ZNF730: variants seen among roughly 807,000 people sequenced by gnomAD.
ZNF730 encodes putative zinc finger protein 730.
Under a neutral mutation model 12.6 loss-of-function variants are expected in ZNF730, and 12 were observed. The observed-to-expected ratio is 0.95, with a 90% CI of 0.61 to 1.54. ZNF730 has a LOEUF of 1.54. Ranked by LOEUF, ZNF730 falls within the 40% of genes most tolerant of loss-of-function variation. The pLI is 0.00. For synonymous variants in ZNF730, 194 were observed against 195.8 expected, an observed-to-expected ratio of 0.99 and a Z score of 0.08; for missense variants, 643 against 583.5, an observed-to-expected ratio of 1.10 and a Z score of -1.05.
intron 1 of ZNF730, chr19:23,126,463 T>C (rs1263836726): frequency 3.1e-6 from 1 of 323,252 alleles, no homozygotes; most frequent in Non-Finnish European, 6.2e-6. Flanking sequence ...TTTTGTCAGC[T>C]GTTTTTTATT....
intron 3 of ZNF730, 105 bp downstream of exon 3, chr19:23,136,148 G>C (rs1357672838): frequency 6.3e-6 from 5 of 791,296 alleles, no homozygotes; most frequent in Non-Finnish European, 8.6e-6. Flanking sequence ...TTTTACAAAG[G>C]AAATAGTTTC....
chr19:23,114,792 AT>A (rs545774167), upstream of ZNF730, among the ~76,000 whole-genome samples: 21 of 151,556 alleles, frequency 1.4e-4, no homozygotes, highest in Non-Finnish European at 3.1e-4. Context: ...TGTTTCTGCA[AT>A]TTTTTTGAGA....
rs1970995165 is a variant in ZNF730, at chr19:23,145,701, TA to T, written c.661del (p.Arg221GlufsTer140). The T allele has an allele frequency of 1.3e-6, 2 of 1,555,412 alleles. No homozygotes were observed. The highest frequency in any genetic ancestry group is 1.7e-6 in the Non-Finnish European group (2 of 1,151,168). ...ATGAGTCCTCAAACTGTACTACACA[TA>T]AAAGAATTACTGAGAAAAAACCTTA... ...FNESSNCTTHKRITEKKPYKC... is the reference protein window; with the variant it reads ...FNESSNCTTHXRITEKKPYKC... On this transcript the variant is annotated frameshift_variant, in exon 4 of 4. Transcript: ENST00000597761. LOFTEE classifies it low-confidence loss of function (END_TRUNC).
In ZNF730 at chr19:23,146,307, G is replaced by GA. The variant is rs758135996; in HGVS notation, c.1266dup (p.Pro423ThrfsTer5). 6.2e-7 allele frequency: 1 copy of GA among 1,612,718 alleles called. No individual in the cohort carries two copies. The highest frequency in any genetic ancestry group is 1.3e-5 in the African/African-American group (1 of 74,660). On this transcript the variant is annotated frameshift_variant, in exon 4 of 4. Transcript: ENST00000597761. LOFTEE classifies it low-confidence loss of function (END_TRUNC). ...CACATAAGAGAATTCATACTGGAGA[G>GA]AAACCCTACAAATGTGAAGAATGTG...
chr19:23,085,373 T>C (rs1257106246), intron 1 of ZNF730, among the ~76,000 whole-genome samples: 5 of 151,848 alleles, frequency 3.3e-5, no homozygotes, highest in Non-Finnish European at 7.4e-5. Context: ...TTTTCTTTTT[T>C]TTTAAGTAGA....
At chr19:23,086,321 CTTAT>C (rs909343746) in intron 1 of ZNF730, among the ~76,000 whole-genome samples, 1 of 152,018 alleles carries the variant, frequency 6.6e-6, no homozygotes, top group African/African-American at 2.4e-5. Context: ...TTAGATTTTA[CTTAT>C]TTATTTATTT....
chr19:23,118,296 CCT>C (rs1323574986), intron 1 of ZNF730, among the ~76,000 whole-genome samples: 1 of 151,812 alleles, frequency 6.6e-6, no homozygotes, highest in Non-Finnish European at 1.5e-5. Flanking sequence ...AATCTCTGTG[CCT>C]CTTTTTCTTT....
chr19:23,091,754 A>T (rs752627606), intron 1 of ZNF730, among the ~76,000 whole-genome samples: 11 of 152,176 alleles, frequency 7.2e-5, no homozygotes, highest in Non-Finnish European at 1.0e-4. Context: ...CCCCTATTGT[A>T]TCTAGGAAGT....
intron 3 of ZNF730, among the ~76,000 whole-genome samples, chr19:23,144,857 A>C (rs1019963252): frequency 6.6e-6 from 1 of 152,110 alleles, no homozygotes; most frequent in African/African-American, 2.4e-5. Flanking sequence ...TTTTGTCATA[A>C]GAGATAGAAA....
intron 1 of ZNF730, chr19:23,095,503 G>C: frequency 2.5e-6 from 1 of 398,362 alleles, no homozygotes. Context: ...CATATCACTG[G>C]GCTAAGCACC....
At chr19:23,091,297 C>G (rs12151361) in intron 1 of ZNF730, among the ~76,000 whole-genome samples, 8,178 of 152,280 alleles carry the variant, frequency 0.054, 255 homozygotes, top group Middle Eastern at 0.088. Flanking sequence ...AAGTTTGCTG[C>G]AGGGGTGGAG....
chr19:23,112,958 C>G (rs1230792419), upstream of ZNF730, among the ~76,000 whole-genome samples: 1 of 152,130 alleles, frequency 6.6e-6, no homozygotes, highest in Non-Finnish European at 1.5e-5. Flanking sequence ...GTAAATGAGG[C>G]AATGGTTAGA....
intron 1 of ZNF730, among the ~76,000 whole-genome samples, chr19:23,102,389 C>A (rs376857938): frequency 6.6e-6 from 1 of 152,028 alleles, no homozygotes; most frequent in Non-Finnish European, 1.5e-5. Context: ...TGGCCAAAAA[C>A]CCAGGTGATG....
At chr19:23,144,427 G>T (rs944814796) in intron 3 of ZNF730, among the ~76,000 whole-genome samples, 1 of 152,102 alleles carries the variant, frequency 6.6e-6, no homozygotes, top group South Asian at 2.1e-4. Context: ...TAGGCCAGTT[G>T]TGGTGGCTCA....
Position 23,146,605 on chromosome 19 carries a change from A to G in ZNF730, c.*49A>G, listed in dbSNP as rs765193090. 13 of 1,585,492 alleles carry G rather than the reference A, an allele frequency of 8.2e-6. No homozygotes were observed. The highest frequency in any genetic ancestry group is 1.1e-5 in the Non-Finnish European group (13 of 1,158,030). ...TTTTAAACAATCTTTATACCTTACT[A>G]CACATAAGATAATTCATACTGAAGA... On this transcript the variant is annotated 3_prime_UTR_variant, in exon 4 of 4. Coordinates refer to ENST00000597761, the MANE Select transcript of ZNF730 (RefSeq NM_001277403.2).
At chr19:23,130,477 T>G (rs1970732429) in intron 1 of ZNF730, among the ~76,000 whole-genome samples, 1 of 152,198 alleles carries the variant, frequency 6.6e-6, no homozygotes, top group Non-Finnish European at 1.5e-5. Context: ...ATGCATCATA[T>G]GGTAGGTAAA....
Position 23,146,870 on chromosome 19 carries a change from C to T in ZNF730, c.*314C>T. 1.5e-6 allele frequency: 1 copy of T among 663,950 alleles called. No homozygotes were observed. The highest frequency in any genetic ancestry group is 2.7e-5 in the East Asian group (1 of 36,556). 41.1% of individuals were successfully genotyped at this position (663,950 alleles called of 1,614,324 possible). On this transcript the variant is annotated 3_prime_UTR_variant, in exon 4 of 4. Coordinates refer to ENST00000597761, the MANE Select transcript of ZNF730 (RefSeq NM_001277403.2). The stretch of plus-strand genomic sequence containing the variant: ...TAATTCTTAACAGACATGATTCATA[C>T]CAGAGAGAAACTCTACAAACCTGAA...
intron 1 of ZNF730, among the ~76,000 whole-genome samples, chr19:23,129,993 CAA>C (rs34321928): frequency 6.7e-4 from 59 of 87,968 alleles, no homozygotes; most frequent in Middle Eastern, 6.8e-3. Flanking sequence ...GACTCCGCCT[CAA>C]AAAAAAAAAA....
At chr19:23,115,917 A>G (rs1970513015), upstream of ZNF730, among the ~76,000 whole-genome samples, 5 of 152,242 alleles carry the variant, frequency 3.3e-5, no homozygotes, top group South Asian at 1.0e-3. Context: ...ATTTAATGAC[A>G]GGTTGATTAC....
Sources: allele counts gnomAD v4.1 joint callset (sites outside exome capture counted in the v4.1 genomes callset), GRCh38; gene constraint gnomAD v4.1.1; transcripts MANE v1.5; gene names NCBI Gene and HGNC (gene_info 2026-07-23, HGNC 2026-07-21).